Variants in TENM2 observed in about 807,000 individuals in gnomAD.
TENM2 encodes teneurin-2.
A neutral mutation model predicts 245.2 loss-of-function variants in TENM2; 52 were observed. That is an observed-to-expected ratio of 0.21 (90% CI 0.17 to 0.27). The LOEUF is 0.27. Among genes scored for constraint, TENM2 ranks in the 10% least tolerant of loss-of-function variants. The pLI, the probability that TENM2 is intolerant of heterozygous loss-of-function variation, is 1.00. For synonymous variants in TENM2, 1,363 were observed against 1,438.9 expected (o/e 0.95, Z 1.19); for missense variants, 3,046 against 3,666.8 (o/e 0.83, Z 4.37).
chr5:167,581,045 C>T (rs758017436), intron 2 of TENM2, among the ~76,000 whole-genome samples: 2 of 152,156 alleles, frequency 1.3e-5, no homozygotes, highest in Non-Finnish European at 2.9e-5. Flanking sequence ...CTCATATTCA[C>T]GTACATCAGT....
chr5:168,153,183 A>G (rs2152428244), intron 12 of TENM2, among the ~76,000 whole-genome samples: 1 of 152,210 alleles, frequency 6.6e-6, no homozygotes, highest in East Asian at 1.9e-4. Context: ...GCTTGCTCTC[A>G]TCATCCATTG....
At chr5:167,294,123 A>C (rs1425430087) in intron 1 of TENM2, 1 of 152,192 alleles carries the variant, frequency 6.6e-6, no homozygotes, top group Non-Finnish European at 1.5e-5. Context: ...CTAAGCAAAA[A>C]AAGAAAAGTC....
chr5:167,845,919 A>G (rs1197920572), intron 2 of TENM2, among the ~76,000 whole-genome samples: 2 of 152,196 alleles, frequency 1.3e-5, no homozygotes, highest in African/African-American at 4.8e-5. Flanking sequence ...GACTGCTCCT[A>G]CAGTGACCTT....
intron 1 of TENM2, among the ~76,000 whole-genome samples, chr5:167,292,010 A>G (rs977914404): frequency 1.3e-5 from 2 of 152,176 alleles, no homozygotes; most frequent in African/African-American, 4.8e-5. Context: ...CACATCTTAC[A>G]TGGCGGCAGG....
At chr5:167,342,507 C>CTTT (rs35451881) in intron 1 of TENM2, among the ~76,000 whole-genome samples, 2,232 of 54,364 alleles carry the variant, frequency 0.041, 457 homozygotes, top group Middle Eastern at 0.053. Context: ...TAAAGTTATT[C>CTTT]TTTTTTTTTT....
At chr5:167,698,793 C>T (rs907155423) in intron 2 of TENM2, among the ~76,000 whole-genome samples, 2 of 148,694 alleles carry the variant, frequency 1.3e-5, no homozygotes, top group East Asian at 2.0e-4. Flanking sequence ...ACGCCTTTCT[C>T]CTGCCTCAGC....
chr5:167,312,921 T>C lies in TENM2; in HGVS notation c.226+27858T>C, dbSNP rs78430361. Reference sequence around the variant, plus strand: ...TGACCTTGACTCTTTTTTTTTTTTTTAAATGGAGCCTCCTTCTGTCACCCA... The same window carrying C: ...TGACCTTGACTCTTTTTTTTTTTTTCAAATGGAGCCTCCTTCTGTCACCCA... On this transcript the variant is annotated intron_variant, in intron 1 of 28. Coordinates refer to ENST00000518659, the Ensembl canonical transcript of TENM2. Among the ~76,000 whole-genome samples the C allele has an allele frequency of 2.9e-4, 43 of 146,638 alleles. 1 individual carries two copies. The highest frequency in any genetic ancestry group is 7.1e-3 in the Middle Eastern group (2 of 282).
At chr5:167,505,649 A>G (rs982294190) in intron 2 of TENM2, among the ~76,000 whole-genome samples, 3 of 152,196 alleles carry the variant, frequency 2.0e-5, no homozygotes, top group African/African-American at 7.2e-5. Context: ...CTGAGTACCT[A>G]TTCATTCATT....
intron 2 of TENM2, among the ~76,000 whole-genome samples, chr5:167,845,052 A>G (rs894054029): frequency 3.9e-5 from 6 of 152,094 alleles, no homozygotes; most frequent in African/African-American, 1.2e-4. Context: ...CAGACTGCCA[A>G]GGAGACCCAT....
Position 167,458,504 on chromosome 5 carries a change from A to C in TENM2, c.502+83031A>C, listed in dbSNP as rs868169940. On this transcript the variant is annotated intron_variant, in intron 2 of 28. Coordinates refer to ENST00000518659, the Ensembl canonical transcript of TENM2. The stretch of plus-strand genomic sequence containing the variant: ...TCCGTCTCAAAAAAACAAAAAAAAA[A>C]AAAAAAAAAAAAGACATTTTTGGTT... Among the ~76,000 whole-genome samples the C allele has an allele frequency of 1.1e-3, 169 of 151,386 alleles. 1 individual carries two copies. The highest frequency in any genetic ancestry group is 3.3e-3 in the African/African-American group (138 of 41,426).
At chr5:167,325,372 A>G (rs960608162) in intron 1 of TENM2, among the ~76,000 whole-genome samples, 1 of 152,166 alleles carries the variant, frequency 6.6e-6, no homozygotes, top group Non-Finnish European at 1.5e-5. Context: ...ATAGCAGGAA[A>G]TGTCCTAGTG....
chr5:168,034,162 TGTATATATATAC>T (rs1562077862), intron 5 of TENM2, among the ~76,000 whole-genome samples: 37 of 102,802 alleles, frequency 3.6e-4, no homozygotes, highest in African/African-American at 9.2e-4. Flanking sequence ...TATATATATA[TGTATATATATAC>T]ACACACACAC....
At chr5:167,467,448 C>T (rs145668673) in intron 2 of TENM2, among the ~76,000 whole-genome samples, 7 of 150,980 alleles carry the variant, frequency 4.6e-5, no homozygotes, top group African/African-American at 1.7e-4. Flanking sequence ...CTAATATACT[C>T]ACCTTAGGTA....
At chr5:167,374,982 T>C (rs1277204630) in intron 1 of TENM2, among the ~76,000 whole-genome samples, 1 of 152,332 alleles carries the variant, frequency 6.6e-6, no homozygotes, top group South Asian at 2.1e-4. Context: ...CTGAGCATTT[T>C]GTCCTATCAT....
the TENM2 span, among the ~76,000 whole-genome samples, chr5:167,125,448 A>G: frequency 1.3e-5 from 2 of 152,168 alleles, no homozygotes; most frequent in African/African-American, 4.8e-5. Context: ...GGAATTTTGT[A>G]TCTTTGATGT....
At chr5:167,968,738 A>G (rs1645708026) in intron 4 of TENM2, among the ~76,000 whole-genome samples, 1 of 152,154 alleles carries the variant, frequency 6.6e-6, no homozygotes, top group Non-Finnish European at 1.5e-5. Flanking sequence ...GATCCTCTCC[A>G]CTATACTTGG....
the TENM2 span, among the ~76,000 whole-genome samples, chr5:167,109,459 A>G: frequency 2.6e-5 from 4 of 152,180 alleles, no homozygotes; most frequent in Admixed American, 1.3e-4. Context: ...TATCCTCAGC[A>G]TTAAACAAAA....
chr5:167,801,601 C>G (rs1216876513), intron 2 of TENM2, among the ~76,000 whole-genome samples: 1 of 152,008 alleles, frequency 6.6e-6, no homozygotes, highest in East Asian at 1.9e-4. Flanking sequence ...GAATTGAATT[C>G]AATTTGGGGA....
chr5:167,159,852 C>T, the TENM2 span, among the ~76,000 whole-genome samples: 3 of 152,152 alleles, frequency 2.0e-5, no homozygotes, highest in African/African-American at 7.2e-5. Flanking sequence ...TCCCACTTGT[C>T]ATTGGAGATG....
Sources: gnomAD v4.1 joint callset for allele counts (sites outside exome capture counted in the v4.1 genomes callset) on GRCh38, gnomAD v4.1.1 for gene constraint, MANE v1.5 for transcripts, NCBI Gene and HGNC (gene_info 2026-07-23, HGNC 2026-07-21) for gene names.